Variants in ADGRD1 observed in about 807,000 individuals in gnomAD.
ADGRD1 encodes the protein adhesion G protein-coupled receptor D1, also known as G-protein coupled receptor 133.
ADGRD1 carries 77 observed loss-of-function variants against 113.4 expected under a neutral mutation model. The observed-to-expected ratio is 0.68, with a 90% confidence interval of 0.57 to 0.82. The LOEUF (loss-of-function observed/expected upper bound fraction) is 0.82, where lower values mean the gene tolerates loss of function less well. Ranked by LOEUF, ADGRD1 falls within the 40% of genes least tolerant of loss-of-function variation. ADGRD1 has a pLI of 0.00. For synonymous variants in ADGRD1, 474 were observed against 475.0 expected (o/e 1.00, Z 0.03); for missense variants, 1,036 against 1,139.1 (o/e 0.91, Z 1.30).
At chr12:130,970,105 G>C (rs1300540198) in intron 3 of ADGRD1, 1 of 152,190 alleles carries the variant, frequency 6.6e-6, no homozygotes, top group African/African-American at 2.4e-5. Context: ...AAGAATCATA[G>C]TTAAATTATT....
At chr12:131,082,291 G>A (rs904350625) in intron 14 of ADGRD1, among the ~76,000 whole-genome samples, 14 of 152,092 alleles carry the variant, frequency 9.2e-5, no homozygotes, top group South Asian at 6.2e-4. Flanking sequence ...TCATAGGGCC[G>A]TACATATCTT....
chr12:131,139,022 C>T, intron 24 of ADGRD1, 146 bp from the exon 25 acceptor site: 3 of 622,376 alleles, frequency 4.8e-6, no homozygotes, highest in Non-Finnish European at 2.9e-6. Flanking sequence ...CCCCCAGGAG[C>T]ATGGGGGCTC....
intron 8 of ADGRD1, among the ~76,000 whole-genome samples, chr12:130,995,472 A>AG (rs1875127640): frequency 6.6e-6 from 1 of 152,188 alleles, no homozygotes; most frequent in Non-Finnish European, 1.5e-5. Flanking sequence ...TATACCTGAG[A>AG]GTCAGAGGTT....
chr12:130,968,738 C>T, intron 3 of ADGRD1: 2 of 525,284 alleles, frequency 3.8e-6, no homozygotes, highest in East Asian at 3.3e-5. Context: ...CGGCCAAATT[C>T]AGCAGCCATC....
intron 15 of ADGRD1, among the ~76,000 whole-genome samples, chr12:131,093,521 C>T (rs576136856): frequency 2.6e-5 from 4 of 152,092 alleles, no homozygotes; most frequent in Admixed American, 6.6e-5. Flanking sequence ...GGGCACAGGG[C>T]GGGCAGTGGC....
In ADGRD1 at chr12:131,057,205, G is replaced by A. The variant is rs1385431417; in HGVS notation, c.1474-19596G>A. On this transcript the variant is annotated intron_variant, in intron 13 of 24. Coordinates refer to ENST00000261654, the MANE Select transcript of ADGRD1 (RefSeq NM_198827.5). This position sits in a 1 kb window ranked among gnomAD's most constrained non-coding sequence, Gnocchi z 4.2. Reference sequence around the variant, plus strand: ...GATAAACAGGTTTGAAGAACTGCACGGAACGCTGCCTGGCGAGCGCCTGCT... The same window carrying A: ...GATAAACAGGTTTGAAGAACTGCACAGAACGCTGCCTGGCGAGCGCCTGCT... 6.6e-6 allele frequency among the ~76,000 whole-genome samples: 1 copy of A among 152,180 alleles called. No homozygotes were observed. The highest frequency in any genetic ancestry group is 1.5e-5 in the Non-Finnish European group (1 of 68,042).
rs151100956 is a variant in ADGRD1, at chr12:131,118,216, C to A, written c.2042-169C>A. Among the ~76,000 whole-genome samples the A allele has an allele frequency of 3.6e-3, 542 of 151,852 alleles. 3 individuals are homozygous for A. The highest frequency in any genetic ancestry group is 0.013 in the African/African-American group (523 of 41,410). On this transcript the variant is annotated intron_variant, in intron 18 of 24. Transcript: ENST00000261654. ...TATTCCTTTGTTTAGACTAAAAGTT[C>A]TTTGAGGATAGGGGCTGTTCTGTGT...
At chr12:131,138,575 G>A (rs1951164367) in intron 24 of ADGRD1, among the ~76,000 whole-genome samples, 1 of 152,132 alleles carries the variant, frequency 6.6e-6, no homozygotes, top group African/African-American at 2.4e-5. Flanking sequence ...AGCAGGCCCT[G>A]TTAGGGTTCT....
At position 130,992,281 on chromosome 12, in the gene ADGRD1, A is replaced by G. The variant is rs1874512835; in HGVS notation, c.855A>G (p.Glu285=). 4 of 1,613,696 alleles carry G rather than the reference A, an allele frequency of 2.5e-6. No individual in the cohort carries two copies. The highest frequency in any genetic ancestry group is 1.3e-5 in the African/African-American group (1 of 74,898). Residue 285 remains glutamate (E), a synonymous_variant, in exon 8 of 25, where the codon GAA becomes GAG. Coordinates refer to ENST00000261654, the MANE Select transcript of ADGRD1 (RefSeq NM_198827.5). ...AYHPIITNLT[E]ERKTFQSPGV... ...ATCCCATCATAACCAACCTGACAGA[A>G]GAGAGAAAAACCTTCCAAAGTCCCG... is the stretch of plus-strand genomic sequence containing the variant.
intron 13 of ADGRD1, among the ~76,000 whole-genome samples, chr12:131,054,663 C>G (rs1349453483): frequency 6.6e-6 from 1 of 152,214 alleles, no homozygotes; most frequent in African/African-American, 2.4e-5. Context: ...CCAGTCTCTG[C>G]TGCGCTGAGA....
intron 13 of ADGRD1, among the ~76,000 whole-genome samples, chr12:131,067,545 G>C (rs1157621727): frequency 6.8e-6 from 1 of 146,940 alleles, no homozygotes; most frequent in Non-Finnish European, 1.5e-5. Context: ...CTGAGCAGGG[G>C]CTGCCCTCTG....
At position 131,139,588 on chromosome 12, in the gene ADGRD1, C is replaced by T. The variant is rs1323211855; in HGVS notation, c.*325C>T. ...CTTCATCACTCAGCATCAGACCCAG[C>T]GAGGCCAGGACACTCGGGGCCGGTC... On this transcript the variant is annotated 3_prime_UTR_variant, in exon 25 of 25. Coordinates refer to ENST00000261654, the MANE Select transcript of ADGRD1 (RefSeq NM_198827.5). 3 of 267,520 alleles carry T rather than the reference C, an allele frequency of 1.1e-5. No individual in the cohort carries two copies. The highest frequency in any genetic ancestry group is 5.0e-5 in the South Asian group (1 of 19,908). The allele number at this position is 267,520 out of a possible 1,614,324, so 16.6% of individuals were successfully genotyped here. A position where few individuals can be genotyped will look rare whatever the true frequency, so the allele number is the denominator to read the frequency against.
chr12:131,007,430 T>TGGC (rs1877270761), intron 12 of ADGRD1, among the ~76,000 whole-genome samples: 1 of 152,172 alleles, frequency 6.6e-6, no homozygotes, highest in African/African-American at 2.4e-5. Context: ...CTCTATTAGA[T>TGGC]CAGCGCTGGC....
chr12:131,017,178 A>G (rs1327889815), intron 13 of ADGRD1, among the ~76,000 whole-genome samples: 2 of 152,084 alleles, frequency 1.3e-5, no homozygotes, highest in African/African-American at 2.4e-5. Flanking sequence ...GAGGTTACAC[A>G]GCATACATGC....
intron 4 of ADGRD1, chr12:130,981,510 CACATTT>C: frequency 6.2e-6 from 1 of 160,440 alleles, no homozygotes; most frequent in South Asian, 2.0e-4. Flanking sequence ...TGTAGGTCTT[CACATTT>C]GCATGATCCC....
intron 20 of ADGRD1, among the ~76,000 whole-genome samples, chr12:131,124,408 A>G (rs901242512): frequency 1.3e-5 from 2 of 152,244 alleles, no homozygotes; most frequent in Non-Finnish European, 2.9e-5. Flanking sequence ...ATGTGCTTCA[A>G]GATTATATGC....
At chr12:131,067,037 A>ACGG (rs1884776615) in intron 13 of ADGRD1, among the ~76,000 whole-genome samples, 1 of 151,976 alleles carries the variant, frequency 6.6e-6, no homozygotes, top group South Asian at 2.1e-4. Context: ...GGCTGCCGCC[A>ACGG]GGCTCAGGAT....
intron 12 of ADGRD1, among the ~76,000 whole-genome samples, chr12:131,013,707 C>T (rs1411941379): frequency 6.6e-6 from 1 of 152,110 alleles, no homozygotes; most frequent in African/African-American, 2.4e-5. Context: ...TGAATGAATA[C>T]TGGGTGGGCA....
intron 15 of ADGRD1, among the ~76,000 whole-genome samples, chr12:131,095,003 C>T (rs1887186228): frequency 6.6e-6 from 1 of 152,080 alleles, no homozygotes; most frequent in Non-Finnish European, 1.5e-5. Flanking sequence ...TCGAGACGCC[C>T]CCTCTCAGCC....
Sources: gnomAD v4.1 joint callset for allele counts (sites outside exome capture counted in the v4.1 genomes callset) on GRCh38, gnomAD v4.1.1 for gene constraint, Gnocchi (gnomAD v3.1) non-coding constraint, MANE v1.5 for transcripts, NCBI Gene and HGNC (gene_info 2026-07-23, HGNC 2026-07-21) for gene names.